DGKB: variants seen among roughly 807,000 people sequenced by gnomAD.
DGKB encodes the protein 90 kDa diacylglycerol kinase.
A neutral mutation model predicts 114.3 loss-of-function variants in DGKB; 67 were observed. That is an observed-to-expected ratio of 0.59 (90% CI 0.48 to 0.72). The LOEUF (loss-of-function observed/expected upper bound fraction) is 0.72, where lower values mean the gene tolerates loss of function less well. Ranked by LOEUF, DGKB falls within the 30% of genes least tolerant of loss-of-function variation. DGKB has a pLI of 0.00. For missense variants in DGKB, 907 were observed against 975.2 expected (o/e 0.93, Z 0.93); for synonymous variants, 398 against 323.1 (o/e 1.23, Z -2.49).
At chr7:14,803,509 A>G (rs1460858608) in intron 2 of DGKB, among the ~76,000 whole-genome samples, 1 of 152,108 alleles carries the variant, frequency 6.6e-6, no homozygotes, top group Non-Finnish European at 1.5e-5. Context: ...TTTATTTTTA[A>G]TTGTATGTTT....
chr7:14,448,533 G>A (rs1447883138), intron 21 of DGKB, among the ~76,000 whole-genome samples: 1 of 152,114 alleles, frequency 6.6e-6, no homozygotes, highest in African/African-American at 2.4e-5. Context: ...AATTCTGAAT[G>A]CTGTGTTATG....
At chr7:14,539,292 A>T (rs1331756225) in intron 20 of DGKB, among the ~76,000 whole-genome samples, 4 of 152,154 alleles carry the variant, frequency 2.6e-5, no homozygotes, top group African/African-American at 9.6e-5. Flanking sequence ...GTGTGGTTTC[A>T]TATTTTTGTA....
chr7:14,859,269 CAAG>C (rs1850629371), intron 1 of DGKB, among the ~76,000 whole-genome samples: 1 of 152,018 alleles, frequency 6.6e-6, no homozygotes, highest in Non-Finnish European at 1.5e-5. Flanking sequence ...ACCTGAATAT[CAAG>C]AAAAGAGGAA....
chr7:14,399,959 A>G (rs1355930344), intron 21 of DGKB, among the ~76,000 whole-genome samples: 2 of 151,942 alleles, frequency 1.3e-5, no homozygotes, highest in African/African-American at 4.8e-5. Context: ...ATATTACAAA[A>G]AACACCATAA....
chr7:14,194,656 A>C (rs1454444240), intron 23 of DGKB, among the ~76,000 whole-genome samples: 1 of 152,158 alleles, frequency 6.6e-6, no homozygotes, highest in Non-Finnish European at 1.5e-5. Context: ...TGTATGCAGA[A>C]ATACATATAT....
intron 25 of DGKB, among the ~76,000 whole-genome samples, chr7:14,165,741 G>C (rs1328305850): frequency 1.3e-5 from 2 of 152,126 alleles, no homozygotes; most frequent in Non-Finnish European, 2.9e-5. Flanking sequence ...ATGGGCCTTT[G>C]AAAGGACCAT....
chr7:14,314,901 A>G (rs1181973077), intron 23 of DGKB, among the ~76,000 whole-genome samples: 3 of 152,112 alleles, frequency 2.0e-5, no homozygotes, highest in African/African-American at 7.2e-5. Flanking sequence ...GGTTCCCCTC[A>G]AAGGGAAGCC....
At chr7:14,721,802 C>T (rs1027338276) in intron 5 of DGKB, among the ~76,000 whole-genome samples, 1 of 151,868 alleles carries the variant, frequency 6.6e-6, no homozygotes, top group African/African-American at 2.4e-5. Context: ...TGTCAAAGAC[C>T]TTTTATTATT....
chr7:14,530,145 A>G, intron 20 of DGKB, among the ~76,000 whole-genome samples: 1 of 151,730 alleles, frequency 6.6e-6, no homozygotes. Flanking sequence ...ATGCCATTTT[A>G]TTAAGGCTGT....
chr7:14,604,834 G>A (rs1349224401), intron 17 of DGKB, among the ~76,000 whole-genome samples: 1 of 152,094 alleles, frequency 6.6e-6, no homozygotes, highest in Non-Finnish European at 1.5e-5. Context: ...GCAACTACCT[G>A]TGGCATTTGC....
In DGKB at chr7:14,515,018, C is replaced by CAAAACA. The variant is rs529350003; in HGVS notation, c.1771-36799_1771-36794dup. Among the ~76,000 whole-genome samples, 1,004 of 151,912 alleles carry CAAAACA rather than the reference C, an allele frequency of 6.6e-3. 4 individuals carry two copies. Among genetic ancestry groups the CAAAACA allele is most frequent in the Non-Finnish European group, 0.011 (719 of 67,924 alleles). ...TGCATGACAGAGTGAGAACCTGTCT[C>CAAAACA]AAAACAAAAACAAAAACAAATAACA... On this transcript the variant is annotated intron_variant, in intron 20 of 25. Transcript: ENST00000402815.
In DGKB at chr7:14,927,453, C is replaced by T. The variant is rs140827059; in HGVS notation, c.-188+47243G>A. 4.1e-4 allele frequency among the ~76,000 whole-genome samples: 63 copies of T among 152,016 alleles called. No homozygotes were observed. The Middle Eastern group carries it at 0.02, about 49-fold the overall frequency. ...TCTTTTAAAAAATATCCATCCTGAT[C>T]TATGAGGATGCTAGGTAGGTTTTGT... is the stretch of plus-strand genomic sequence containing the variant. On this transcript the variant is annotated intron_variant, in intron 1 of 4. Coordinates refer to the DGKB transcript ENST00000437998.
chr7:14,285,876 C>T (rs2128463709), intron 23 of DGKB, among the ~76,000 whole-genome samples: 1 of 152,202 alleles, frequency 6.6e-6, no homozygotes, highest in Admixed American at 6.6e-5. Context: ...GGTTCAAATA[C>T]TTAAATATCA....
intron 13 of DGKB, among the ~76,000 whole-genome samples, chr7:14,656,365 A>C (rs573851114): frequency 3.2e-4 from 49 of 151,560 alleles, no homozygotes; most frequent in Admixed American, 2.8e-3. Flanking sequence ...ATTTCTACCT[A>C]TAATAGGTTT....
chr7:14,653,701 C>CA (rs1815146717), intron 13 of DGKB, among the ~76,000 whole-genome samples: 1 of 151,456 alleles, frequency 6.6e-6, no homozygotes, highest in African/African-American at 2.4e-5. Context: ...GGAGTTATCC[C>CA]AGGGTTGCAA....
intron 23 of DGKB, among the ~76,000 whole-genome samples, chr7:14,217,687 C>T (rs993964600): frequency 4.0e-5 from 6 of 151,868 alleles, no homozygotes; most frequent in African/African-American, 7.3e-5. Context: ...AAAAATCATA[C>T]GTCCACATAT....
At chr7:14,811,416 T>G (rs968819992) in intron 2 of DGKB, among the ~76,000 whole-genome samples, 5 of 152,174 alleles carry the variant, frequency 3.3e-5, no homozygotes, top group Non-Finnish European at 5.9e-5. Flanking sequence ...CTCTCAGTTT[T>G]AAATTATTTA....
intron 20 of DGKB, among the ~76,000 whole-genome samples, chr7:14,511,142 G>C (rs1787920638): frequency 6.6e-6 from 1 of 152,196 alleles, no homozygotes; most frequent in African/African-American, 2.4e-5. Flanking sequence ...AAGTCAGCCA[G>C]TCCTTTGAAG....
chr7:14,878,642 G>A (rs890834404), intron 1 of DGKB, among the ~76,000 whole-genome samples: 1 of 151,188 alleles, frequency 6.6e-6, no homozygotes, highest in Non-Finnish European at 1.5e-5. Flanking sequence ...CCAGCTACTC[G>A]GGAGGCTGAG....
Sources: gnomAD v4.1 joint callset for allele counts (sites outside exome capture counted in the v4.1 genomes callset) on GRCh38, gnomAD v4.1.1 for gene constraint, MANE v1.5 for transcripts, NCBI Gene and HGNC (gene_info 2026-07-23, HGNC 2026-07-21) for gene names.